REDIC1: variants seen among roughly 807,000 people sequenced by gnomAD.
The protein encoded by REDIC1 is HEI10 Interacting Protein 1.
chr12:39,704,720 G>C, the REDIC1 span, among the ~76,000 whole-genome samples: 1 of 152,140 alleles, frequency 6.6e-6, no homozygotes, highest in African/African-American at 2.4e-5. Context: ...GGCACATATA[G>C]AGCATGGAAT....
chr12:39,722,661 A>T, the REDIC1 span, among the ~76,000 whole-genome samples: 10 of 152,182 alleles, frequency 6.6e-5, no homozygotes, highest in African/African-American at 2.2e-4. Flanking sequence ...ATGAAAGTAC[A>T]CACCTAGTTC....
chr12:39,731,638 A>C, the REDIC1 span, among the ~76,000 whole-genome samples: 2 of 152,176 alleles, frequency 1.3e-5, no homozygotes, highest in South Asian at 4.1e-4. Flanking sequence ...TCAGGGACCC[A>C]CTTGAGGAGG....
the REDIC1 span, among the ~76,000 whole-genome samples, chr12:39,784,565 A>G: frequency 6.6e-6 from 1 of 152,226 alleles, no homozygotes; most frequent in Non-Finnish European, 1.5e-5. Context: ...ACCTTATACA[A>G]ACATTAATTC....
At chr12:39,832,715 G>GCTCT in the REDIC1 span, among the ~76,000 whole-genome samples, 106,322 of 151,438 alleles carry the variant, frequency 0.7, 37,971 homozygotes, top group African/African-American at 0.83. Context: ...CCCTCTACTT[G>GCTCT]CTATTATCAG....
the REDIC1 span, among the ~76,000 whole-genome samples, chr12:39,857,022 G>A: frequency 6.6e-6 from 1 of 152,128 alleles, no homozygotes; most frequent in African/African-American, 2.4e-5. Flanking sequence ...TATTTTAAGT[G>A]GATTTACTTG....
the REDIC1 span, among the ~76,000 whole-genome samples, chr12:39,812,378 T>TTTTCTTTTC: frequency 8.1e-6 from 1 of 122,896 alleles, no homozygotes; most frequent in Non-Finnish European, 1.9e-5. Flanking sequence ...TTTTCTTTTC[T>TTTTCTTTTC]TTTCTTTCTT....
At chr12:39,764,451 T>A in the REDIC1 span, 1 of 1,552,926 alleles carries the variant, frequency 6.4e-7, no homozygotes, top group Non-Finnish European at 8.7e-7. Context: ...AGAAAAAATA[T>A]TATCTTACCA....
At chr12:39,787,433 A>C in the REDIC1 span, among the ~76,000 whole-genome samples, 3 of 152,164 alleles carry the variant, frequency 2.0e-5, no homozygotes, top group Non-Finnish European at 4.4e-5. Flanking sequence ...TTCCCTGTGG[A>C]TATGATGTGT....
the REDIC1 span, among the ~76,000 whole-genome samples, chr12:39,782,314 A>C: frequency 6.6e-6 from 1 of 151,998 alleles, no homozygotes; most frequent in Non-Finnish European, 1.5e-5. Flanking sequence ...TGTGGAAGGT[A>C]CCCAGGGGGA....
the REDIC1 span, chr12:39,716,613 A>G: frequency 1.8e-6 from 1 of 562,532 alleles, no homozygotes; most frequent in Non-Finnish European, 3.0e-6. Context: ...AGTATCCACA[A>G]TTTTAACTAA....
At chr12:39,707,431 A>G in the REDIC1 span, among the ~76,000 whole-genome samples, 1 of 151,976 alleles carries the variant, frequency 6.6e-6, no homozygotes, top group African/African-American at 2.4e-5. Context: ...TAGTACAACC[A>G]CTATGGAGAA....
the REDIC1 span, among the ~76,000 whole-genome samples, chr12:39,694,029 G>T: frequency 1.3e-5 from 2 of 152,272 alleles, no homozygotes; most frequent in Non-Finnish European, 2.9e-5. Context: ...TTTAGTTTGC[G>T]CTTCGCTCTG....
chr12:39,729,558 TGAG>T, the REDIC1 span, among the ~76,000 whole-genome samples: 1 of 152,248 alleles, frequency 6.6e-6, no homozygotes, highest in African/African-American at 2.4e-5. Flanking sequence ...TTGCATTTGC[TGAG>T]GAGTGTTTTA....
the REDIC1 span, among the ~76,000 whole-genome samples, chr12:39,890,279 C>G: frequency 6.6e-6 from 1 of 151,940 alleles, no homozygotes; most frequent in Non-Finnish European, 1.5e-5. Flanking sequence ...AAAGGAAGTT[C>G]ATTAGAGCAT....
At chr12:39,840,469 C>T in the REDIC1 span, among the ~76,000 whole-genome samples, 1 of 151,998 alleles carries the variant, frequency 6.6e-6, no homozygotes, top group Admixed American at 6.6e-5. Context: ...TAGCCCCTGC[C>T]CATCTTGCCT....
At chr12:39,646,114 C>G in the REDIC1 span, among the ~76,000 whole-genome samples, 1 of 151,516 alleles carries the variant, frequency 6.6e-6, no homozygotes, top group East Asian at 1.9e-4. Flanking sequence ...ATTAATAGGG[C>G]AGCTATAATG....
the REDIC1 span, among the ~76,000 whole-genome samples, chr12:39,888,311 G>A: frequency 0.72 from 109,267 of 152,096 alleles, 39,397 homozygotes; most frequent in South Asian, 0.77. Context: ...TGCAACCTCC[G>A]CTTCCCAGGT....
chr12:39,691,022 A>T, the REDIC1 span, among the ~76,000 whole-genome samples: 1 of 152,132 alleles, frequency 6.6e-6, no homozygotes, highest in Non-Finnish European at 1.5e-5. Context: ...TTTTTAAATG[A>T]TAAGATAGAG....
the REDIC1 span, among the ~76,000 whole-genome samples, chr12:39,861,620 T>A: frequency 6.6e-6 from 1 of 152,176 alleles, no homozygotes; most frequent in Admixed American, 6.5e-5. Flanking sequence ...AATAGAACAT[T>A]AGTAATTTGA....
Sources: gnomAD v4.1 joint callset for allele counts (sites outside exome capture counted in the v4.1 genomes callset) on GRCh38, gnomAD v4.1.1 for gene constraint, MANE v1.5 for transcripts, NCBI Gene and HGNC (gene_info 2026-07-23, HGNC 2026-07-21) for gene names.